Variants in ATP10B observed in about 807,000 individuals in gnomAD.
ATP10B encodes ATPase phospholipid transporting 10B (putative).
ATP10B carries 122 observed loss-of-function variants against 141.2 expected under a neutral mutation model. The ratio of observed to expected loss-of-function variants is 0.86; its 90% CI spans 0.75 to 1.00. The LOEUF is 1.00. ATP10B is among the 50% of genes least tolerant of loss of function. The pLI, the probability that ATP10B is intolerant of heterozygous loss-of-function variation, is 0.00. For synonymous variants in ATP10B, 685 were observed against 692.0 expected (o/e 0.99, Z 0.16); for missense variants, 1,876 against 1,825.3 (o/e 1.03, Z -0.51).
At chr5:160,822,317 C>G (rs557888863) in intron 1 of ATP10B, among the ~76,000 whole-genome samples, 1 of 152,070 alleles carries the variant, frequency 6.6e-6, no homozygotes, top group African/African-American at 2.4e-5. Context: ...AGTGAGATAT[C>G]ATTTCACCCC....
At chr5:160,641,176 C>G (rs944815770) in intron 9 of ATP10B, among the ~76,000 whole-genome samples, 4 of 152,174 alleles carry the variant, frequency 2.6e-5, no homozygotes, top group Admixed American at 2.0e-4. Flanking sequence ...TCAGGGAAAG[C>G]TGCTCCAAGG....
chr5:160,735,567 C>T (rs960989984), intron 2 of ATP10B, among the ~76,000 whole-genome samples: 2 of 152,108 alleles, frequency 1.3e-5, no homozygotes, highest in African/African-American at 4.8e-5. Flanking sequence ...CAATACTTCA[C>T]TTTTAGCATT....
At chr5:160,928,361 T>C in the ATP10B span, among the ~76,000 whole-genome samples, 155 of 152,304 alleles carry the variant, frequency 1.0e-3, 1 homozygote, top group African/African-American at 3.6e-3. Context: ...GAATTAGTTA[T>C]TGAGCATGGT....
At chr5:160,654,487 CT>C in intron 7 of ATP10B, among the ~76,000 whole-genome samples, 1 of 152,258 alleles carries the variant, frequency 6.6e-6, no homozygotes, top group South Asian at 2.1e-4. Flanking sequence ...AAGACCAATC[CT>C]TTCCAGAGAA....
chr5:160,765,633 T>C (rs904360633), intron 2 of ATP10B, among the ~76,000 whole-genome samples: 2 of 152,044 alleles, frequency 1.3e-5, no homozygotes, highest in East Asian at 3.8e-4. Context: ...TCAGAAAAAC[T>C]CTTCTAGTCT....
chr5:160,797,974 A>C (rs929807647), intron 1 of ATP10B, among the ~76,000 whole-genome samples: 1 of 151,870 alleles, frequency 6.6e-6, no homozygotes, highest in Non-Finnish European at 1.5e-5. Context: ...GAGAAAAGAA[A>C]CAAGTGTGGA....
At chr5:160,626,406 G>T (rs59355611) in intron 13 of ATP10B, among the ~76,000 whole-genome samples, 8,208 of 152,170 alleles carry the variant, frequency 0.054, 747 homozygotes, top group African/African-American at 0.19. Flanking sequence ...GGCTAAGTGC[G>T]CTCACATCCA....
At position 160,799,903 on chromosome 5, in the gene ATP10B, G is replaced by A. The variant is rs189373356; in HGVS notation, c.-575-14100C>T. ...TTCAAGATGAAAAGTTTCCTGATTA[G>A]GAATTTGAACCTCAGTCTTTACCAG... On this transcript the variant is annotated intron_variant, in intron 1 of 25. Coordinates refer to ENST00000327245, the MANE Select transcript of ATP10B (RefSeq NM_025153.3). Among the ~76,000 whole-genome samples, 87 of 152,266 alleles carry A rather than the reference G, an allele frequency of 5.7e-4. 2 individuals are homozygous for A. In the East Asian group the frequency reaches 9.4e-3, roughly 17 times the overall value.
At chr5:160,773,500 C>T (rs908960365) in intron 2 of ATP10B, among the ~76,000 whole-genome samples, 1 of 152,148 alleles carries the variant, frequency 6.6e-6, no homozygotes, top group African/African-American at 2.4e-5. Flanking sequence ...ACTAATACTA[C>T]TAAGAAGATT....
intron 2 of ATP10B, among the ~76,000 whole-genome samples, chr5:160,742,752 G>T (rs909196358): frequency 1.1e-4 from 17 of 152,158 alleles, no homozygotes; most frequent in African/African-American, 2.9e-4. Flanking sequence ...TAGGGAATTT[G>T]GGGGGAGGAT....
Position 160,738,327 on chromosome 5 carries a change from G to C in ATP10B, c.-330-21293C>G, listed in dbSNP as rs188425368. ...ATGCTTATCCTGGAAATAGAAAAAG[G>C]TGTGAAAACTCAAGGATCTAGGTTT... On this transcript the variant is annotated intron_variant, in intron 2 of 25. Coordinates refer to ENST00000327245, the MANE Select transcript of ATP10B (RefSeq NM_025153.3). Among the ~76,000 whole-genome samples the C allele has an allele frequency of 1.4e-4, 22 of 152,110 alleles. No homozygotes were observed. The East Asian group carries it at 3.9e-3, about 27-fold the overall frequency.
chr5:160,923,140 A>G, the ATP10B span, among the ~76,000 whole-genome samples: 1 of 152,214 alleles, frequency 6.6e-6, no homozygotes, highest in East Asian at 1.9e-4. Flanking sequence ...CTTGCCATCG[A>G]TCGGAAGGCT....
chr5:160,704,553 A>G (rs1227940694), intron 3 of ATP10B, among the ~76,000 whole-genome samples: 5 of 152,144 alleles, frequency 3.3e-5, no homozygotes, highest in Non-Finnish European at 7.4e-5. Context: ...GGAATGGTAA[A>G]TGAGCATTGG....
At chr5:160,767,657 G>T (rs944020195) in intron 2 of ATP10B, among the ~76,000 whole-genome samples, 3 of 109,092 alleles carry the variant, frequency 2.7e-5, no homozygotes, top group African/African-American at 9.6e-5. Context: ...AAAATAACAG[G>T]TTACTCTGAC....
intron 13 of ATP10B, among the ~76,000 whole-genome samples, chr5:160,627,046 A>G (rs1758646953): frequency 1.3e-5 from 2 of 151,822 alleles, no homozygotes; most frequent in Middle Eastern, 3.4e-3. Context: ...CATTCCAGCT[A>G]CTCCGAAGAA....
the ATP10B span, among the ~76,000 whole-genome samples, chr5:160,921,269 A>G: frequency 1.1e-4 from 16 of 144,006 alleles, no homozygotes; most frequent in African/African-American, 4.2e-4. Context: ...TCTATTCAGC[A>G]CTTTGTTTTT....
At chr5:160,866,352 G>C in the ATP10B span, among the ~76,000 whole-genome samples, 1 of 152,084 alleles carries the variant, frequency 6.6e-6, no homozygotes, top group African/African-American at 2.4e-5. Flanking sequence ...AAAAGCGGGA[G>C]CTAAGCTATG....
chr5:160,581,944 T>C (rs1376747023), intron 24 of ATP10B, among the ~76,000 whole-genome samples: 1 of 152,230 alleles, frequency 6.6e-6, no homozygotes, highest in African/African-American at 2.4e-5. Context: ...GTTTAAAGTC[T>C]GTTTTATCAG....
chr5:160,841,542 T>C (rs963159631), intron 1 of ATP10B, among the ~76,000 whole-genome samples: 10 of 152,054 alleles, frequency 6.6e-5, no homozygotes, highest in Admixed American at 4.6e-4. Flanking sequence ...ATGTTCTCTA[T>C]ATTCAATAAA....
Sources: allele counts gnomAD v4.1 joint callset (sites outside exome capture counted in the v4.1 genomes callset), GRCh38; gene constraint gnomAD v4.1.1; transcripts MANE v1.5; gene names NCBI Gene and HGNC (gene_info 2026-07-23, HGNC 2026-07-21).